Variants in ERBB4 observed in about 807,000 individuals in gnomAD.
ERBB4 encodes the protein erb-b2 receptor tyrosine kinase 4.
Under a neutral mutation model 158.0 loss-of-function variants are expected in ERBB4, and 42 were observed. That is an observed-to-expected ratio of 0.27 (90% CI 0.21 to 0.34). The LOEUF is 0.34. Among genes scored for constraint, ERBB4 ranks in the 10% least tolerant of loss-of-function variants. The pLI, the probability that ERBB4 is intolerant of heterozygous loss-of-function variation, is 1.00. For missense variants in ERBB4, 1,333 were observed against 1,624.1 expected (o/e 0.82, Z 3.08); for synonymous variants, 583 against 558.7 (o/e 1.04, Z -0.61).
At chr2:212,088,239 C>T (rs1160207446) in intron 2 of ERBB4, among the ~76,000 whole-genome samples, 1 of 152,066 alleles carries the variant, frequency 6.6e-6, no homozygotes, top group Non-Finnish European at 1.5e-5. Flanking sequence ...AGTCTTCAAA[C>T]ACTTTAATAA....
At chr2:212,436,070 T>C (rs1470306529) in intron 1 of ERBB4, among the ~76,000 whole-genome samples, 2 of 151,836 alleles carry the variant, frequency 1.3e-5, no homozygotes, top group Admixed American at 1.3e-4. Flanking sequence ...CAGGAAAATG[T>C]GCCATCAAAA....
At chr2:212,157,570 GT>G (rs915141442) in intron 1 of ERBB4, among the ~76,000 whole-genome samples, 107 of 152,080 alleles carry the variant, frequency 7.0e-4, no homozygotes, top group Non-Finnish European at 1.0e-3. Flanking sequence ...AAAAGACTGG[GT>G]TTTTTTGAAA....
At chr2:211,837,869 T>C (rs1363826344) in intron 3 of ERBB4, among the ~76,000 whole-genome samples, 1 of 152,078 alleles carries the variant, frequency 6.6e-6, no homozygotes, top group Non-Finnish European at 1.5e-5. Flanking sequence ...AATGCAGTTA[T>C]AGAGGTGAAT....
chr2:212,003,112 A>AAGGAAGGAAG (rs2076147811), intron 2 of ERBB4, among the ~76,000 whole-genome samples: 1 of 48,146 alleles, frequency 2.1e-5, no homozygotes, highest in African/African-American at 6.8e-5. Flanking sequence ...AAAGAAAGAA[A>AAGGAAGGAAG]GAAGGAAGGA....
At chr2:211,861,098 A>ATTT in intron 3 of ERBB4, among the ~76,000 whole-genome samples, 1 of 30,656 alleles carries the variant, frequency 3.3e-5, no homozygotes, top group African/African-American at 1.3e-4. Context: ...ATATATAAAT[A>ATTT]CATTATATAT....
chr2:211,719,574 G>T (rs902377583), intron 7 of ERBB4, among the ~76,000 whole-genome samples: 1 of 152,096 alleles, frequency 6.6e-6, no homozygotes, highest in Non-Finnish European at 1.5e-5. Flanking sequence ...AAGTGTTTTT[G>T]GCCAGGTGCG....
intron 3 of ERBB4, among the ~76,000 whole-genome samples, chr2:211,860,296 A>G (rs13033279): frequency 6.6e-6 from 1 of 152,002 alleles, no homozygotes; most frequent in Non-Finnish European, 1.5e-5. Context: ...TCTAACTTTC[A>G]ACATTATTCT....
chr2:211,520,769 T>A (rs1340916340), intron 20 of ERBB4, among the ~76,000 whole-genome samples: 1 of 152,154 alleles, frequency 6.6e-6, no homozygotes, highest in East Asian at 1.9e-4. Flanking sequence ...TCTAATAGCA[T>A]GTACTCACTC....
At chr2:211,474,947 G>A (rs1279403424) in intron 20 of ERBB4, among the ~76,000 whole-genome samples, 2 of 151,978 alleles carry the variant, frequency 1.3e-5, no homozygotes, top group East Asian at 3.9e-4. Context: ...GAAAGTGATG[G>A]AAGACTGGGG....
chr2:212,102,153 T>A (rs903351015), intron 2 of ERBB4, among the ~76,000 whole-genome samples: 10 of 145,898 alleles, frequency 6.9e-5, no homozygotes, highest in Non-Finnish European at 1.4e-4. Context: ...TCTATCTTCC[T>A]TTAAAAATGT....
At chr2:212,355,054 T>G (rs2089414954) in intron 1 of ERBB4, among the ~76,000 whole-genome samples, 1 of 152,098 alleles carries the variant, frequency 6.6e-6, no homozygotes, top group Non-Finnish European at 1.5e-5. Context: ...GTCTATTATA[T>G]CTATTAGAGT....
At chr2:211,891,930 A>C (rs1426824078) in intron 3 of ERBB4, among the ~76,000 whole-genome samples, 2 of 137,274 alleles carry the variant, frequency 1.5e-5, no homozygotes, top group Non-Finnish European at 3.1e-5. Flanking sequence ...TTACCAACCA[A>C]AAAGAGTCCA....
At chr2:212,068,506 G>A (rs532233726) in intron 2 of ERBB4, among the ~76,000 whole-genome samples, 1 of 152,068 alleles carries the variant, frequency 6.6e-6, no homozygotes, top group South Asian at 2.1e-4. Context: ...TTCCCAAACA[G>A]GCCAGTTTAA....
At chr2:211,863,382 C>T (rs557451349) in intron 3 of ERBB4, among the ~76,000 whole-genome samples, 1 of 152,340 alleles carries the variant, frequency 6.6e-6, no homozygotes, top group East Asian at 1.9e-4. Context: ...AGCAGCAACC[C>T]ACTCAGGTCC....
chr2:211,435,567 G>A (rs915222140), intron 20 of ERBB4, among the ~76,000 whole-genome samples: 7 of 152,132 alleles, frequency 4.6e-5, no homozygotes, highest in African/African-American at 1.7e-4. Flanking sequence ...AGTGGCAGGC[G>A]AGCCAGCATA....
chr2:212,388,715 C>A (rs2090759590), intron 1 of ERBB4, among the ~76,000 whole-genome samples: 1 of 152,046 alleles, frequency 6.6e-6, no homozygotes, highest in African/African-American at 2.4e-5. Flanking sequence ...TCATTGTGGG[C>A]ATACATGTAC....
intron 20 of ERBB4, among the ~76,000 whole-genome samples, chr2:211,449,668 A>G (rs1183173239): frequency 2.0e-5 from 3 of 152,216 alleles, no homozygotes; most frequent in Admixed American, 6.5e-5. Flanking sequence ...CAAGTTATAA[A>G]ACATAAAGTT....
intron 20 of ERBB4, among the ~76,000 whole-genome samples, chr2:211,523,423 C>T (rs1044781104): frequency 1.3e-5 from 2 of 151,168 alleles, no homozygotes; most frequent in African/African-American, 4.9e-5. Flanking sequence ...TTCTTGGTCT[C>T]GCTGACTTCA....
chr2:211,633,112 A>T (rs2070208209), intron 16 of ERBB4, among the ~76,000 whole-genome samples: 1 of 152,172 alleles, frequency 6.6e-6, no homozygotes, highest in Non-Finnish European at 1.5e-5. Context: ...AGTATCATGA[A>T]AAAGGTGCTG....
Sources: gnomAD v4.1 joint callset for allele counts (sites outside exome capture counted in the v4.1 genomes callset) on GRCh38, gnomAD v4.1.1 for gene constraint, MANE v1.5 for transcripts, NCBI Gene and HGNC (gene_info 2026-07-23, HGNC 2026-07-21) for gene names.